The following CCDC172 variants were observed in gnomAD, a reference collection of about 807,000 sequenced individuals.
CCDC172 encodes the protein coiled-coil domain-containing protein 172.
In CCDC172, 30 loss-of-function variants were observed where a neutral mutation model predicts 38.0. The observed-to-expected ratio is 0.79, with a 90% CI of 0.59 to 1.07. The LOEUF (loss-of-function observed/expected upper bound fraction) is 1.07, where lower values mean the gene tolerates loss of function less well. Among genes scored for constraint, CCDC172 ranks in the 50% least tolerant of loss-of-function variants. The probability of loss-of-function intolerance (pLI) is 0.00; values close to 1 mark genes in which losing one functional copy is unlikely to be tolerated. For missense variants in CCDC172, 297 were observed against 290.1 expected, an observed-to-expected ratio of 1.02 and a Z score of -0.17; for synonymous variants, 78 against 88.3, an observed-to-expected ratio of 0.88 and a Z score of 0.66.
intron 4 of CCDC172, among the ~76,000 whole-genome samples, chr10:116,341,453 C>T (rs1365475929): frequency 6.6e-6 from 1 of 151,952 alleles, no homozygotes; most frequent in Non-Finnish European, 1.5e-5. Flanking sequence ...CTAGCATTGT[C>T]AAAGAGTTTA....
chr10:116,357,284 C>T, intron 5 of CCDC172, 96 bp from the exon 6 acceptor site: 1 of 692,334 alleles, frequency 1.4e-6, no homozygotes, highest in South Asian at 1.9e-5. Context: ...TTTCTTTCAT[C>T]TGTGTTTTAT....
At chr10:116,358,671 G>A (rs1845030359) in intron 7 of CCDC172, among the ~76,000 whole-genome samples, 1 of 152,116 alleles carries the variant, frequency 6.6e-6, no homozygotes, top group African/African-American at 2.4e-5. Flanking sequence ...TATTAGCAGT[G>A]TATTACCTTA....
In CCDC172 at chr10:116,378,522, T is replaced by G. The variant is rs191273568; in HGVS notation, c.741+12T>G. ...AATTTTTGGAGTTGGTAAGTTATCA[T>G]TGATTGTTTAACTTTTGTTCAGCAT... On this transcript the variant is annotated intron_variant, in intron 8 of 8. Coordinates refer to ENST00000333254, the MANE Select transcript of CCDC172 (RefSeq NM_198515.3). 3.1e-6 allele frequency: 5 copies of G among 1,587,702 alleles called. No homozygotes were observed. The South Asian group carries it at 4.6e-5, about 15-fold the overall frequency.
intron 5 of CCDC172, among the ~76,000 whole-genome samples, chr10:116,352,775 GAA>G (rs796349911): frequency 7.2e-6 from 1 of 137,978 alleles, no homozygotes. Context: ...GAGCAATTAG[GAA>G]AAAAAAAAAG....
At chr10:116,353,009 T>C (rs957959449) in intron 5 of CCDC172, among the ~76,000 whole-genome samples, 4 of 151,936 alleles carry the variant, frequency 2.6e-5, no homozygotes, top group South Asian at 2.1e-4. Flanking sequence ...CTGGCTAACA[T>C]GGTGAAACCC....
At chr10:116,326,128 C>A (rs1271261414) in intron 3 of CCDC172, among the ~76,000 whole-genome samples, 1 of 152,116 alleles carries the variant, frequency 6.6e-6, no homozygotes, top group Non-Finnish European at 1.5e-5. Context: ...TTTAGGTAGC[C>A]TAGTATGGTG....
chr10:116,342,084 G>T lies in CCDC172; in HGVS notation c.331G>T (p.Glu111Ter). The change falls in exon 5 of 9, where the codon GAA becomes TAA. Residue 111 changes from glutamate to a stop codon, truncating the protein, a stop_gained. Transcript: ENST00000333254. LOFTEE classifies it high-confidence loss of function. ...MIEEEDKFIK[E>*]ITDFNNDYEI... ...AGAGGAGGAAGACAAATTTATTAAGGAAATTACAGACTTTAATAATGATTA... is the reference window on the plus strand; with the variant it reads ...AGAGGAGGAAGACAAATTTATTAAGTAAATTACAGACTTTAATAATGATTA... 6.5e-7 allele frequency: 1 copy of T among 1,538,502 alleles called. No homozygotes were observed. The highest frequency in any genetic ancestry group is 1.2e-5 in the South Asian group (1 of 80,532).
intron 5 of CCDC172, among the ~76,000 whole-genome samples, chr10:116,356,098 C>T (rs947661735): frequency 7.9e-5 from 12 of 151,788 alleles, no homozygotes; most frequent in South Asian, 2.1e-4. Flanking sequence ...TTTGGGAGGC[C>T]GAGGCAGGCA....
chr10:116,364,848 A>G (rs963152435), intron 7 of CCDC172, among the ~76,000 whole-genome samples: 6 of 152,186 alleles, frequency 3.9e-5, no homozygotes, highest in Non-Finnish European at 8.8e-5. Context: ...AGTGTGTACA[A>G]TTCTGTAGCT....
Position 116,325,372 on chromosome 10 carries a change from T to A in CCDC172, c.149T>A (p.Ile50Asn). Residue 50 changes from isoleucine to asparagine, a missense_variant, in exon 3 of 9, where the codon ATC (isoleucine) becomes AAC (asparagine). Transcript: ENST00000333254. The stretch of plus-strand genomic sequence containing the variant: ...ACGGAGGAGCTGAATGAAGAGAAAA[T>A]CAAGCTGGAATCTAAGGTATTGAAA... ...KATEELNEEK[I>N]KLESKVQQFF... 6.2e-7 allele frequency: 1 copy of A among 1,613,378 alleles called. No homozygotes were observed. The highest frequency in any genetic ancestry group is 8.5e-7 in the Non-Finnish European group (1 of 1,179,644).
chr10:116,369,337 C>T (rs1845159939), intron 7 of CCDC172, among the ~76,000 whole-genome samples: 1 of 151,970 alleles, frequency 6.6e-6, no homozygotes, highest in Non-Finnish European at 1.5e-5. Flanking sequence ...TATCCTACTG[C>T]ATTTTCACTC....
chr10:116,325,793 A>T (rs1589944660), intron 3 of CCDC172, among the ~76,000 whole-genome samples: 1 of 152,218 alleles, frequency 6.6e-6, no homozygotes, highest in African/African-American at 2.4e-5. Context: ...CCCTGCCTTT[A>T]GTTTTAAAAG....
intron 7 of CCDC172, among the ~76,000 whole-genome samples, chr10:116,363,657 C>G (rs1313998155): frequency 6.6e-6 from 1 of 152,056 alleles, no homozygotes; most frequent in African/African-American, 2.4e-5. Context: ...AAAATTTCGG[C>G]TGGGCGCAGT....
At chr10:116,369,795 G>A (rs532759438) in intron 7 of CCDC172, among the ~76,000 whole-genome samples, 9 of 151,938 alleles carry the variant, frequency 5.9e-5, no homozygotes, top group Admixed American at 1.3e-4. Context: ...CTTCTCCATC[G>A]AGGTCATACC....
chr10:116,355,110 G>A (rs1373920964), intron 5 of CCDC172, among the ~76,000 whole-genome samples: 1 of 152,144 alleles, frequency 6.6e-6, no homozygotes, highest in Non-Finnish European at 1.5e-5. Context: ...TGTTGATAAT[G>A]TCTAGAGCAG....
At chr10:116,357,757 G>A (rs929049451) in intron 6 of CCDC172, 79 bp from the exon 7 acceptor site, 74 of 791,338 alleles carry the variant, frequency 9.4e-5, no homozygotes, top group African/African-American at 5.0e-4. Flanking sequence ...AAAAATTAGA[G>A]TACTGTTCTT....
At position 116,359,796 on chromosome 10, in the gene CCDC172, AC is replaced by A. The variant is rs1179170123; in HGVS notation, c.653+1859del. Among the ~76,000 whole-genome samples the A allele has an allele frequency of 3.3e-5, 5 of 152,214 alleles. No homozygotes were observed. In the East Asian group the frequency reaches 9.6e-4, roughly 29 times the overall value. The stretch of plus-strand genomic sequence containing the variant: ...TACTGTTTCTAGTTTTAGTAATTAG[AC>A]AACTTTAATACATGCTTTATTTTGT... On this transcript the variant is annotated intron_variant, in intron 7 of 8. Coordinates refer to ENST00000333254, the MANE Select transcript of CCDC172 (RefSeq NM_198515.3).
At chr10:116,374,587 T>G (rs1313871683) in intron 7 of CCDC172, among the ~76,000 whole-genome samples, 1 of 151,602 alleles carries the variant, frequency 6.6e-6, no homozygotes, top group African/African-American at 2.4e-5. Context: ...GTAGCCCCCA[T>G]GGATAAAGGG....
intron 7 of CCDC172, among the ~76,000 whole-genome samples, chr10:116,364,176 G>A (rs1845096739): frequency 1.3e-5 from 2 of 151,886 alleles, no homozygotes; most frequent in Admixed American, 1.3e-4. Context: ...TAGTTGCTGG[G>A]GATACCAACA....
Sources: allele counts gnomAD v4.1 joint callset (sites outside exome capture counted in the v4.1 genomes callset), GRCh38; gene constraint gnomAD v4.1.1; transcripts MANE v1.5; gene names NCBI Gene and HGNC (gene_info 2026-07-23, HGNC 2026-07-21).